The following VSNL1 variants were observed in gnomAD, a reference collection of about 807,000 sequenced individuals.
VSNL1 encodes visinin like 1.
Under a neutral mutation model 20.4 loss-of-function variants are expected in VSNL1, and 6 were observed. The observed-to-expected ratio is 0.29, with a 90% CI of 0.16 to 0.58. The LOEUF (loss-of-function observed/expected upper bound fraction) is 0.58. VSNL1 is among the 20% of genes least tolerant of loss of function. The pLI is 0.90. For missense variants in VSNL1, 100 were observed against 234.5 expected, an observed-to-expected ratio of 0.43 and a Z score of 3.75; for synonymous variants, 93 against 86.4, an observed-to-expected ratio of 1.08 and a Z score of -0.42.
intron 1 of VSNL1, among the ~76,000 whole-genome samples, chr2:17,569,448 A>G (rs2103354892): frequency 6.6e-6 from 1 of 152,104 alleles, no homozygotes; most frequent in South Asian, 2.1e-4. Flanking sequence ...GAATTTTTCA[A>G]ATCTGAAAAA....
At chr2:17,594,586 A>G (rs566012147) in intron 2 of VSNL1, among the ~76,000 whole-genome samples, 1 of 152,350 alleles carries the variant, frequency 6.6e-6, no homozygotes, top group African/African-American at 2.4e-5. Flanking sequence ...GAATGGGCAC[A>G]TTCAGTGATT....
Position 17,634,825 on chromosome 2 carries a change from C to A in VSNL1, c.163-14585C>A, listed in dbSNP as rs919098044. 2.6e-5 allele frequency among the ~76,000 whole-genome samples: 4 copies of A among 152,168 alleles called. No homozygotes were observed. Among genetic ancestry groups the A allele is most frequent in the Non-Finnish European group, 5.9e-5 (4 of 68,030 alleles). ...TGCTGCTTCCACTTTCTCCTGGAAC[C>A]CCTCAAACCCCAGCCAGAGCCTCCT... is the stretch of plus-strand genomic sequence containing the variant. On this transcript the variant is annotated intron_variant, in intron 2 of 3. Coordinates refer to ENST00000295156, the MANE Select transcript of VSNL1 (RefSeq NM_003385.5). The surrounding 1 kb of genome is among the most constrained non-coding windows in gnomAD (Gnocchi z 4.3).
intron 2 of VSNL1, among the ~76,000 whole-genome samples, chr2:17,629,261 A>C (rs73921010): frequency 0.25 from 38,484 of 152,148 alleles, 5,075 homozygotes; most frequent in Non-Finnish European, 0.29. Flanking sequence ...ATTAGCTCCA[A>C]GACCTTGAGG....
Position 17,643,245 on chromosome 2 carries a change from G to A in VSNL1, c.163-6165G>A, listed in dbSNP as rs529510730. ...GAGTATCTGTTGAATGAAAACTTTG[G>A]CAGAAAACAGTTTTTGGACTCACCA... On this transcript the variant is annotated intron_variant, in intron 2 of 3. Coordinates refer to ENST00000295156, the MANE Select transcript of VSNL1 (RefSeq NM_003385.5). 5.9e-5 allele frequency among the ~76,000 whole-genome samples: 9 copies of A among 152,278 alleles called. No homozygotes were observed. In the South Asian group the frequency reaches 1.9e-3, roughly 32 times the overall value.
chr2:17,577,012 C>T (rs371710078), intron 1 of VSNL1, among the ~76,000 whole-genome samples: 41 of 152,208 alleles, frequency 2.7e-4, no homozygotes, highest in African/African-American at 9.2e-4. Context: ...CATACCTAGA[C>T]GGCATAGCCT....
At chr2:17,597,092 A>C (rs764025411) in intron 2 of VSNL1, among the ~76,000 whole-genome samples, 5 of 152,176 alleles carry the variant, frequency 3.3e-5, no homozygotes, top group Non-Finnish European at 7.3e-5. Flanking sequence ...AATGTGCCCT[A>C]GTCAAATAGT....
chr2:17,595,940 T>C (rs901856117), intron 2 of VSNL1, among the ~76,000 whole-genome samples: 4 of 152,244 alleles, frequency 2.6e-5, no homozygotes, highest in African/African-American at 9.6e-5. Context: ...TTTTGACTGC[T>C]GTATAACGTT....
At chr2:17,595,932 T>A (rs1236309677) in intron 2 of VSNL1, among the ~76,000 whole-genome samples, 1 of 152,232 alleles carries the variant, frequency 6.6e-6, no homozygotes, top group Non-Finnish European at 1.5e-5. Context: ...TTCAAGTATT[T>A]TGACTGCTGT....
intron 3 of VSNL1, among the ~76,000 whole-genome samples, chr2:17,653,781 A>G (rs1378803766): frequency 2.0e-5 from 3 of 152,240 alleles, no homozygotes; most frequent in Non-Finnish European, 4.4e-5. Flanking sequence ...TAAGTGTACA[A>G]ATTAAATGAT....
intron 2 of VSNL1, among the ~76,000 whole-genome samples, chr2:17,619,507 C>T (rs1004565878): frequency 6.6e-6 from 1 of 152,134 alleles, no homozygotes; most frequent in Non-Finnish European, 1.5e-5. Flanking sequence ...ACTCAGCAGC[C>T]CCCGAGCCTT....
intron 1 of VSNL1, among the ~76,000 whole-genome samples, chr2:17,589,291 G>A (rs1347337979): frequency 2.0e-5 from 3 of 152,204 alleles, no homozygotes; most frequent in Admixed American, 2.0e-4. Context: ...GGCAGAAAAC[G>A]AGGATATAAG....
chr2:17,568,034 C>T (rs557468081), intron 1 of VSNL1, among the ~76,000 whole-genome samples: 1 of 152,094 alleles, frequency 6.6e-6, no homozygotes, highest in South Asian at 2.1e-4. Flanking sequence ...TGGCATATAG[C>T]TGGATTTTAC....
chr2:17,578,069 T>G (rs1664259276), intron 1 of VSNL1, among the ~76,000 whole-genome samples: 1 of 152,252 alleles, frequency 6.6e-6, no homozygotes, highest in South Asian at 2.1e-4. Context: ...CTGTTGTTAT[T>G]ACTGCTAAAA....
intron 1 of VSNL1, chr2:17,546,117 A>G (rs542328208): frequency 8.5e-5 from 13 of 152,176 alleles, no homozygotes; most frequent in Admixed American, 5.9e-4. Context: ...TACCTAATAC[A>G]ATAATTACTG....
intron 1 of VSNL1, chr2:17,545,948 C>T (rs1313874234): frequency 6.6e-6 from 1 of 152,058 alleles, no homozygotes; most frequent in Non-Finnish European, 1.5e-5. Context: ...CACAGACGAC[C>T]TGCTGTGTAA....
At chr2:17,583,494 T>C (rs924803173) in intron 1 of VSNL1, among the ~76,000 whole-genome samples, 2 of 152,212 alleles carry the variant, frequency 1.3e-5, no homozygotes, top group African/African-American at 4.8e-5. Context: ...TTTCCTTTCA[T>C]AGAAACCAAT....
chr2:17,579,404 C>T (rs775083637), intron 1 of VSNL1, among the ~76,000 whole-genome samples: 22 of 152,142 alleles, frequency 1.4e-4, no homozygotes, highest in Middle Eastern at 3.4e-3. Context: ...CGTGAGCCAC[C>T]GCGCCTGGCC....
chr2:17,564,873 G>A (rs926789444), intron 1 of VSNL1, among the ~76,000 whole-genome samples: 2 of 152,080 alleles, frequency 1.3e-5, no homozygotes, highest in South Asian at 2.1e-4. Context: ...CAAAGTAGTC[G>A]TAAGATTACG....
At chr2:17,603,588 A>C (rs2103386852) in intron 2 of VSNL1, among the ~76,000 whole-genome samples, 1 of 152,298 alleles carries the variant, frequency 6.6e-6, no homozygotes, top group South Asian at 2.1e-4. Context: ...CAGGTAACCA[A>C]AGAAGTATCA....
Sources: gnomAD v4.1 joint callset for allele counts (sites outside exome capture counted in the v4.1 genomes callset) on GRCh38, gnomAD v4.1.1 for gene constraint, Gnocchi (gnomAD v3.1) non-coding constraint, MANE v1.5 for transcripts, NCBI Gene and HGNC (gene_info 2026-07-23, HGNC 2026-07-21) for gene names.